Variants in KCNH7 observed in about 807,000 individuals in gnomAD.
KCNH7 encodes the protein voltage-gated inwardly rectifying potassium channel KCNH7.
In KCNH7, 49 loss-of-function variants were observed where a neutral mutation model predicts 120.8. The observed-to-expected ratio is 0.41, with a 90% CI of 0.32 to 0.51. KCNH7 has a LOEUF of 0.51. Ranked by LOEUF, KCNH7 falls within the 20% of genes least tolerant of loss-of-function variation. KCNH7 has a pLI of 0.38. For synonymous variants in KCNH7, 547 were observed against 516.1 expected (o/e 1.06, Z -0.81); for missense variants, 1,097 against 1,446.6 (o/e 0.76, Z 3.92).
At chr2:162,406,240 C>T (rs1687215539) in intron 9 of KCNH7, among the ~76,000 whole-genome samples, 1 of 151,788 alleles carries the variant, frequency 6.6e-6, no homozygotes, top group Admixed American at 6.6e-5. Context: ...TCTCCAGGCT[C>T]CTTCCGTAGG....
At chr2:162,824,267 A>T (rs1011129910) in intron 2 of KCNH7, among the ~76,000 whole-genome samples, 5 of 152,172 alleles carry the variant, frequency 3.3e-5, no homozygotes, top group Non-Finnish European at 7.4e-5. Context: ...GTTGGTGGGT[A>T]TGACATTTCA....
At chr2:162,824,588 G>C (rs560070266) in intron 2 of KCNH7, among the ~76,000 whole-genome samples, 1 of 151,708 alleles carries the variant, frequency 6.6e-6, no homozygotes, top group Non-Finnish European at 1.5e-5. Context: ...AGCCTAGGAA[G>C]AGAATAATCT....
At position 162,816,598 on chromosome 2, in the gene KCNH7, T is replaced by C. The variant is rs186979926; in HGVS notation, c.307+19939A>G. On this transcript the variant is annotated intron_variant, in intron 2 of 15. Transcript: ENST00000332142. The stretch of plus-strand genomic sequence containing the variant: ...GAATTAAATGCAATTAGTTTAGATA[T>C]AGTTTTAAGAGGATGAAATACTTGA... Among the ~76,000 whole-genome samples the C allele has an allele frequency of 7.2e-5, 11 of 152,278 alleles. No homozygotes were observed. The East Asian group carries it at 2.1e-3, about 29-fold the overall frequency.
chr2:162,763,341 T>C (rs1399034974), intron 2 of KCNH7, among the ~76,000 whole-genome samples: 2 of 152,110 alleles, frequency 1.3e-5, no homozygotes, highest in Non-Finnish European at 2.9e-5. Flanking sequence ...TTTTATCAGT[T>C]ATTACTATGC....
chr2:162,416,654 TAAG>T (rs937927924), intron 9 of KCNH7, among the ~76,000 whole-genome samples: 4 of 152,094 alleles, frequency 2.6e-5, no homozygotes, highest in East Asian at 3.9e-4. Flanking sequence ...CATACTGATC[TAAG>T]AAGATTAACA....
intron 2 of KCNH7, among the ~76,000 whole-genome samples, chr2:162,543,995 T>G (rs1015536716): frequency 1.3e-5 from 2 of 152,200 alleles, no homozygotes; most frequent in Non-Finnish European, 2.9e-5. Context: ...TGAGATGAAC[T>G]CATCAGATTA....
At chr2:162,549,863 G>T (rs964168569) in intron 2 of KCNH7, among the ~76,000 whole-genome samples, 1 of 152,120 alleles carries the variant, frequency 6.6e-6, no homozygotes, top group African/African-American at 2.4e-5. Flanking sequence ...TTGTCATCTT[G>T]TAACATCACT....
chr2:162,402,871 GAA>G (rs1687105248), intron 9 of KCNH7, among the ~76,000 whole-genome samples: 1 of 151,864 alleles, frequency 6.6e-6, no homozygotes, highest in Non-Finnish European at 1.5e-5. Context: ...TTGGAAGAGA[GAA>G]AAGAGATAGA....
At chr2:162,775,553 G>A (rs1228726042) in intron 2 of KCNH7, among the ~76,000 whole-genome samples, 1 of 152,010 alleles carries the variant, frequency 6.6e-6, no homozygotes, top group African/African-American at 2.4e-5. Context: ...GTAAAAAACT[G>A]ATTATAAAAG....
intron 2 of KCNH7, among the ~76,000 whole-genome samples, chr2:162,624,889 G>GTTTTTTTTTTTTTT (rs66562676): frequency 4.3e-5 from 3 of 69,714 alleles, no homozygotes; most frequent in African/African-American, 6.4e-5. Flanking sequence ...TGCACTCTTG[G>GTTTTTTTTTTTTTT]TTTTTTTTTT....
intron 2 of KCNH7, among the ~76,000 whole-genome samples, chr2:162,705,966 A>G (rs952518046): frequency 3.9e-5 from 6 of 152,118 alleles, no homozygotes; most frequent in Non-Finnish European, 8.8e-5. Flanking sequence ...TTCTACACAA[A>G]TGTACTTGAT....
At position 162,686,029 on chromosome 2, in the gene KCNH7, T is replaced by A. The variant is rs532170543; in HGVS notation, c.308-148949A>T. Among the ~76,000 whole-genome samples the A allele has an allele frequency of 8.0e-4, 121 of 152,172 alleles. 1 individual carries two copies. The highest frequency in any genetic ancestry group is 3.4e-3 in the Middle Eastern group (1 of 294). ...CATAAGATAGTTTTAATGGAATAAG[T>A]CAACCAGGTCAAGGGGATTGAGAAA... On this transcript the variant is annotated intron_variant, in intron 2 of 15. Transcript: ENST00000332142.
chr2:162,765,791 C>T lies in KCNH7; in HGVS notation c.307+70746G>A, dbSNP rs144545203. On this transcript the variant is annotated intron_variant, in intron 2 of 15. Coordinates refer to ENST00000332142, the MANE Select transcript of KCNH7 (RefSeq NM_033272.4). ...TTTCTTTTTGAAATAGGGTCTCACT[C>T]TTTTACCCGGGCTGCTGCAGTGCAG... Among the ~76,000 whole-genome samples the T allele has an allele frequency of 6.8e-3, 1,030 of 152,252 alleles. 11 individuals are homozygous for T. Among genetic ancestry groups the T allele is most frequent in the African/African-American group, 0.024 (994 of 41,532 alleles).
intron 7 of KCNH7, among the ~76,000 whole-genome samples, chr2:162,438,550 G>A (rs1688326740): frequency 6.6e-6 from 1 of 152,144 alleles, no homozygotes; most frequent in Non-Finnish European, 1.5e-5. Context: ...GTAGGGGGAA[G>A]GGGAAGAAAT....
At chr2:162,821,690 C>T (rs1040646659) in intron 2 of KCNH7, among the ~76,000 whole-genome samples, 2 of 152,182 alleles carry the variant, frequency 1.3e-5, no homozygotes, top group African/African-American at 2.4e-5. Flanking sequence ...AAGAATCTTG[C>T]TTTGGATAAT....
chr2:162,605,815 A>G (rs999860758), intron 2 of KCNH7, among the ~76,000 whole-genome samples: 1 of 152,084 alleles, frequency 6.6e-6, no homozygotes, highest in Non-Finnish European at 1.5e-5. Flanking sequence ...TCTATTATTG[A>G]GCTTGATAAT....
intron 2 of KCNH7, among the ~76,000 whole-genome samples, chr2:162,691,377 C>G (rs1314156093): frequency 6.6e-6 from 1 of 152,026 alleles, no homozygotes; most frequent in Non-Finnish European, 1.5e-5. Context: ...CCTGTGGAGA[C>G]TTTTGTTTGA....
chr2:162,826,622 A>C (rs1685298102), intron 2 of KCNH7, among the ~76,000 whole-genome samples: 1 of 152,152 alleles, frequency 6.6e-6, no homozygotes, highest in Admixed American at 6.6e-5. Context: ...AAAATGACAA[A>C]CACAAGATGG....
chr2:162,651,968 T>C (rs1045833889), intron 2 of KCNH7, among the ~76,000 whole-genome samples: 5 of 152,228 alleles, frequency 3.3e-5, no homozygotes, highest in African/African-American at 1.2e-4. Flanking sequence ...TATTGAGCTT[T>C]TTTTCATATT....
Sources: gnomAD v4.1 joint callset for allele counts (sites outside exome capture counted in the v4.1 genomes callset) on GRCh38, gnomAD v4.1.1 for gene constraint, MANE v1.5 for transcripts, NCBI Gene and HGNC (gene_info 2026-07-23, HGNC 2026-07-21) for gene names.